Variants in TAFA1 observed in about 807,000 individuals in gnomAD.
TAFA1 encodes the protein chemokine-like protein TAFA-1.
TAFA1 carries 4 observed loss-of-function variants against 18.5 expected under a neutral mutation model. That is an observed-to-expected ratio of 0.22 (90% CI 0.11 to 0.49). The LOEUF is 0.49. Ranked by LOEUF, TAFA1 falls within the 20% of genes least tolerant of loss-of-function variation. The probability of loss-of-function intolerance (pLI) is 0.98; values close to 1 mark genes in which losing one functional copy is unlikely to be tolerated. For missense variants in TAFA1, 147 were observed against 169.0 expected (o/e 0.87, Z 0.72); for synonymous variants, 56 against 55.2 (o/e 1.01, Z -0.06).
At chr3:68,006,559 G>T in intron 1 of TAFA1, 65 bp from the exon 2 acceptor site, 1 of 1,038,694 alleles carries the variant, frequency 9.6e-7, no homozygotes, top group Admixed American at 1.7e-5. Context: ...TCCCTCATCA[G>T]TGGGGCTGAC....
At chr3:68,213,580 T>C (rs1559560953) in intron 2 of TAFA1, among the ~76,000 whole-genome samples, 1 of 152,068 alleles carries the variant, frequency 6.6e-6, no homozygotes, top group African/African-American at 2.4e-5. Flanking sequence ...GCCTGGAGTA[T>C]ATGAAAGATA....
intron 2 of TAFA1, chr3:68,144,859 T>C: frequency 1.6e-6 from 1 of 618,820 alleles, no homozygotes; most frequent in Non-Finnish European, 2.9e-6. Context: ...CTGAGCACAA[T>C]GTCTTTTACA....
intron 2 of TAFA1, among the ~76,000 whole-genome samples, chr3:68,274,098 G>C (rs1344701341): frequency 6.6e-6 from 1 of 152,126 alleles, no homozygotes; most frequent in Non-Finnish European, 1.5e-5. Context: ...GAGTTGGCTG[G>C]CCTTGAAATG....
intron 2 of TAFA1, among the ~76,000 whole-genome samples, chr3:68,187,143 A>G (rs1304209441): frequency 6.6e-6 from 1 of 152,032 alleles, no homozygotes; most frequent in Non-Finnish European, 1.5e-5. Context: ...GTGGATTAAA[A>G]AATAAAACAT....
chr3:68,408,216 TC>T (rs1187496978), intron 2 of TAFA1, among the ~76,000 whole-genome samples: 1 of 152,202 alleles, frequency 6.6e-6, no homozygotes, highest in African/African-American at 2.4e-5. Flanking sequence ...ATCTTAACTT[TC>T]TTTAAATATG....
At chr3:68,419,971 ACTGT>A (rs2070923280) in intron 3 of TAFA1, among the ~76,000 whole-genome samples, 1 of 152,160 alleles carries the variant, frequency 6.6e-6, no homozygotes, top group African/African-American at 2.4e-5. Flanking sequence ...TCCTATGTAG[ACTGT>A]CTCTCTTCAA....
chr3:68,072,638 C>T (rs546611810), intron 2 of TAFA1, among the ~76,000 whole-genome samples: 139 of 152,176 alleles, frequency 9.1e-4, no homozygotes, highest in Middle Eastern at 3.4e-3. Context: ...AAGAGAGGGA[C>T]GACGAGCCAG....
chr3:68,422,972 CA>C (rs1055679166), intron 3 of TAFA1, among the ~76,000 whole-genome samples: 2 of 151,788 alleles, frequency 1.3e-5, no homozygotes, highest in African/African-American at 4.8e-5. Context: ...AAGTTAAAAT[CA>C]AATAAAGATT....
intron 2 of TAFA1, among the ~76,000 whole-genome samples, chr3:68,073,764 G>A (rs2064787124): frequency 1.3e-5 from 2 of 152,124 alleles, no homozygotes; most frequent in African/African-American, 2.4e-5. Flanking sequence ...AGTAGCTACA[G>A]TAGAAAGGCA....
intron 3 of TAFA1, among the ~76,000 whole-genome samples, chr3:68,523,036 A>G (rs2073051512): frequency 6.6e-6 from 1 of 152,146 alleles, no homozygotes; most frequent in South Asian, 2.1e-4. Flanking sequence ...AGATCATGCC[A>G]TTGCACTCCA....
chr3:68,446,290 G>A (rs934769430), intron 3 of TAFA1, among the ~76,000 whole-genome samples: 9 of 152,020 alleles, frequency 5.9e-5, no homozygotes, highest in African/African-American at 2.2e-4. Context: ...ATGACAGCAG[G>A]AATAAATAGT....
At chr3:68,025,732 C>T (rs539536310) in intron 2 of TAFA1, among the ~76,000 whole-genome samples, 6 of 152,278 alleles carry the variant, frequency 3.9e-5, no homozygotes, top group Non-Finnish European at 8.8e-5. Flanking sequence ...CAGATGTCTA[C>T]GTGATATACG....
At chr3:68,015,391 A>G (rs565695656) in intron 2 of TAFA1, among the ~76,000 whole-genome samples, 1 of 151,374 alleles carries the variant, frequency 6.6e-6, no homozygotes, top group South Asian at 2.1e-4. Flanking sequence ...GGTTCAAGCG[A>G]TTCTCCTGCC....
chr3:68,113,897 G>GTTTTTTTTT (rs35158174), intron 2 of TAFA1, among the ~76,000 whole-genome samples: 8 of 18,086 alleles, frequency 4.4e-4, no homozygotes, highest in African/African-American at 9.2e-4. Flanking sequence ...AGTTTTTTTT[G>GTTTTTTTTT]TTTTTTTTTT....
intron 2 of TAFA1, among the ~76,000 whole-genome samples, chr3:68,416,060 A>G (rs2070831383): frequency 6.6e-6 from 1 of 152,142 alleles, no homozygotes; most frequent in African/African-American, 2.4e-5. Context: ...GAAAGATGCA[A>G]GTAGCTGTGT....
intron 3 of TAFA1, among the ~76,000 whole-genome samples, chr3:68,521,900 C>T (rs1364558052): frequency 5.2e-5 from 6 of 114,534 alleles, no homozygotes; most frequent in South Asian, 3.2e-4. Flanking sequence ...CACTCTGTTA[C>T]GTAGGCTGAA....
intron 2 of TAFA1, among the ~76,000 whole-genome samples, chr3:68,077,979 A>G (rs1457415357): frequency 2.0e-5 from 3 of 152,028 alleles, no homozygotes; most frequent in Non-Finnish European, 4.4e-5. Context: ...ATCCTCTTTT[A>G]TTTCATTGAG....
chr3:68,225,350 C>T (rs924936090), intron 2 of TAFA1, among the ~76,000 whole-genome samples: 6 of 152,094 alleles, frequency 3.9e-5, no homozygotes, highest in South Asian at 4.1e-4. Context: ...CCCATTTATT[C>T]GTAGCAACTT....
Position 68,544,569 on chromosome 3 carries a change from A to T in TAFA1, c.*66A>T, listed in dbSNP as rs2073427010. On this transcript the variant is annotated 3_prime_UTR_variant, in exon 5 of 5. Coordinates refer to ENST00000478136, the MANE Select transcript of TAFA1 (RefSeq NM_213609.4). ...AAAATACATTTTGAGAATCTCAAACATCTCACATATATACAAGCCAAATGG... is the reference window on the plus strand; with the variant it reads ...AAAATACATTTTGAGAATCTCAAACTTCTCACATATATACAAGCCAAATGG... 2 of 1,507,756 alleles carry T rather than the reference A, an allele frequency of 1.3e-6. No homozygotes were observed. Among genetic ancestry groups the T allele is most frequent in the Admixed American group, 3.4e-5 (2 of 58,660 alleles). The allele number at this position is 1,507,756 out of a possible 1,614,324, so 93.4% of individuals were successfully genotyped here.
Sources: allele counts gnomAD v4.1 joint callset (sites outside exome capture counted in the v4.1 genomes callset), GRCh38; gene constraint gnomAD v4.1.1; transcripts MANE v1.5; gene names NCBI Gene and HGNC (gene_info 2026-07-23, HGNC 2026-07-21).